DKK2: variants seen among roughly 807,000 people sequenced by gnomAD.
The protein encoded by DKK2 is dickkopf-related protein 2.
Under a neutral mutation model 28.1 loss-of-function variants are expected in DKK2, and 11 were observed. That is an observed-to-expected ratio of 0.39 (90% CI 0.25 to 0.65). DKK2 has a LOEUF of 0.65. Ranked by LOEUF, DKK2 falls within the 30% of genes least tolerant of loss-of-function variation. DKK2 has a pLI of 0.47. For missense variants in DKK2, 326 were observed against 335.5 expected (o/e 0.97, Z 0.22); for synonymous variants, 135 against 126.5 (o/e 1.07, Z -0.45).
intron 1 of DKK2, among the ~76,000 whole-genome samples, chr4:106,984,234 A>T (rs1429157576): frequency 6.6e-6 from 1 of 152,208 alleles, no homozygotes; most frequent in Non-Finnish European, 1.5e-5. Flanking sequence ...TTTTAAGTGT[A>T]CAGTTTTGTT....
chr4:106,975,233 G>C (rs979987827), intron 1 of DKK2, among the ~76,000 whole-genome samples: 1 of 152,110 alleles, frequency 6.6e-6, no homozygotes, highest in African/African-American at 2.4e-5. Flanking sequence ...CCAGGTTTTG[G>C]TATCAGGATG....
chr4:106,951,255 T>C (rs1724854454), intron 1 of DKK2, among the ~76,000 whole-genome samples: 1 of 151,970 alleles, frequency 6.6e-6, no homozygotes, highest in African/African-American at 2.4e-5. Flanking sequence ...ACAACCTCTA[T>C]GGAAAATAGT....
chr4:106,989,947 A>T (rs1723180410), intron 1 of DKK2, among the ~76,000 whole-genome samples: 1 of 152,196 alleles, frequency 6.6e-6, no homozygotes, highest in African/African-American at 2.4e-5. Flanking sequence ...TCTTTAGTTT[A>T]ACCCAACATA....
In DKK2 at chr4:106,937,876, CATAAT is replaced by C. The variant is rs546063294; in HGVS notation, c.223-11932_223-11928del. ...CTGCTCCTGAATGAACTACTGGGTA[CATAAT>C]GAAATGAAGGCAGAAATAAAGATGT... On this transcript the variant is annotated intron_variant, in intron 1 of 3. Transcript: ENST00000285311. Among the ~76,000 whole-genome samples, 746 of 152,136 alleles carry C rather than the reference CATAAT, an allele frequency of 4.9e-3. 3 individuals are homozygous for C. Among genetic ancestry groups the C allele is most frequent in the African/African-American group, 0.017 (695 of 41,492 alleles).
intron 1 of DKK2, among the ~76,000 whole-genome samples, chr4:106,939,699 C>T (rs1724662420): frequency 6.6e-6 from 1 of 152,182 alleles, no homozygotes; most frequent in Non-Finnish European, 1.5e-5. Flanking sequence ...CACTACCTGA[C>T]TTCAAACTAT....
Position 106,921,986 on chromosome 4 carries a change from G to A in DKK2, c.*1968C>T, listed in dbSNP as rs1724349787. 1 of 152,222 alleles carries A rather than the reference G, an allele frequency of 6.6e-6. No individual in the cohort carries two copies. The highest frequency in any genetic ancestry group is 1.5e-5 in the Non-Finnish European group (1 of 67,958). 9.4% of individuals were successfully genotyped at this position (152,222 alleles called of 1,614,324 possible). A position where few individuals can be genotyped will look rare whatever the true frequency, so the allele number is the denominator to read the frequency against. ...TACTTCAAATAATAATTTTTAAAAG[G>A]GTGGACATAAGAAAAATATTGCAGA... is the stretch of plus-strand genomic sequence containing the variant. On this transcript the variant is annotated 3_prime_UTR_variant, in exon 4 of 4. Transcript: ENST00000285311.
chr4:107,014,905 A>G (rs1723572559), intron 1 of DKK2, among the ~76,000 whole-genome samples: 1 of 151,512 alleles, frequency 6.6e-6, no homozygotes, highest in South Asian at 2.1e-4. Context: ...TCCTAACTGT[A>G]GATTATTTAC....
rs1016991125 is a variant in DKK2 at position 106,922,219 on chromosome 4, A to T, written c.*1735T>A. ...TATGTGGGAAGTTGAAATTTTTAATAGATATACAGGCTCAAACTCAATCTC... is the reference window on the plus strand; with the variant it reads ...TATGTGGGAAGTTGAAATTTTTAATTGATATACAGGCTCAAACTCAATCTC... On this transcript the variant is annotated 3_prime_UTR_variant, in exon 4 of 4. Transcript: ENST00000285311. 6.6e-6 allele frequency: 1 copy of T among 152,280 alleles called. No individual in the cohort carries two copies. The highest frequency in any genetic ancestry group is 1.5e-5 in the Non-Finnish European group (1 of 68,040). 9.4% of individuals were successfully genotyped at this position (152,280 alleles called of 1,614,324 possible).
At chr4:107,017,379 A>AT (rs1257238489) in intron 1 of DKK2, among the ~76,000 whole-genome samples, 1 of 152,030 alleles carries the variant, frequency 6.6e-6, no homozygotes, top group Admixed American at 6.6e-5. Context: ...GAGCCCATTG[A>AT]TTTTTCAAGG....
chr4:106,986,896 G>C (rs1723128215), intron 1 of DKK2, among the ~76,000 whole-genome samples: 1 of 152,212 alleles, frequency 6.6e-6, no homozygotes, highest in South Asian at 2.1e-4. Flanking sequence ...ATGTCAACAA[G>C]AGTGTATTTC....
chr4:106,957,362 A>C (rs1045224115), intron 1 of DKK2, among the ~76,000 whole-genome samples: 9 of 152,002 alleles, frequency 5.9e-5, no homozygotes, highest in East Asian at 1.9e-4. Flanking sequence ...TCAGGGATCT[A>C]GAACTAGAAA....
In DKK2 at chr4:106,969,479, C is replaced by T. The variant is rs757094005; in HGVS notation, c.223-43530G>A. ...ACAGTTAAACAGAAAAAAAAATTTA[C>T]TCTGAAAATTAATAAGTAACTTGCA... On this transcript the variant is annotated intron_variant, in intron 1 of 3. Coordinates refer to ENST00000285311, the MANE Select transcript of DKK2 (RefSeq NM_014421.3). Among the ~76,000 whole-genome samples the T allele has an allele frequency of 1.8e-4, 27 of 151,980 alleles. 1 individual carries two copies. The highest frequency in any genetic ancestry group is 8.3e-4 in the South Asian group (4 of 4,822).
chr4:106,976,267 A>G (rs1178520734), intron 1 of DKK2, among the ~76,000 whole-genome samples: 3 of 152,204 alleles, frequency 2.0e-5, no homozygotes, highest in Non-Finnish European at 2.9e-5. Context: ...CACTTGGTCT[A>G]AAGCTGAGTT....
At chr4:107,001,755 T>C (rs1723363136) in intron 1 of DKK2, among the ~76,000 whole-genome samples, 1 of 152,178 alleles carries the variant, frequency 6.6e-6, no homozygotes, top group South Asian at 2.1e-4. Context: ...GTTGTATGTA[T>C]AAAAGAATGA....
intron 1 of DKK2, among the ~76,000 whole-genome samples, chr4:106,996,682 C>T (rs1406493263): frequency 6.6e-6 from 1 of 152,158 alleles, no homozygotes; most frequent in East Asian, 1.9e-4. Context: ...AACAGCTGCA[C>T]AAAATTGGCT....
intron 1 of DKK2, among the ~76,000 whole-genome samples, chr4:106,942,022 A>G (rs963395077): frequency 6.6e-6 from 1 of 152,170 alleles, no homozygotes; most frequent in Non-Finnish European, 1.5e-5. Context: ...AGGGCAAAAG[A>G]GATTTATGTC....
At chr4:106,945,425 C>A (rs562730050) in intron 1 of DKK2, among the ~76,000 whole-genome samples, 1 of 152,132 alleles carries the variant, frequency 6.6e-6, no homozygotes, top group African/African-American at 2.4e-5. Context: ...GAGTAATCAG[C>A]CAGTTACTGG....
intron 1 of DKK2, among the ~76,000 whole-genome samples, chr4:106,972,972 G>C (rs1722890520): frequency 6.6e-6 from 1 of 152,092 alleles, no homozygotes; most frequent in African/African-American, 2.4e-5. Flanking sequence ...TCCTACTTAT[G>C]AGTGAGAACA....
chr4:106,928,534 G>A (rs149850812), intron 1 of DKK2, among the ~76,000 whole-genome samples: 4 of 152,156 alleles, frequency 2.6e-5, no homozygotes, highest in Admixed American at 2.6e-4. Context: ...GTAACTCCTG[G>A]ATCCAATAAA....
Sources: allele counts gnomAD v4.1 joint callset (sites outside exome capture counted in the v4.1 genomes callset), GRCh38; gene constraint gnomAD v4.1.1; transcripts MANE v1.5; gene names NCBI Gene and HGNC (gene_info 2026-07-23, HGNC 2026-07-21).